Variants in ACOT11 observed in about 807,000 individuals in gnomAD.
ACOT11 encodes acyl-coenzyme A thioesterase 11.
A neutral mutation model predicts 77.5 loss-of-function variants in ACOT11; 69 were observed. The ratio of observed to expected loss-of-function variants is 0.89; its 90% CI spans 0.73 to 1.09. The LOEUF is 1.09. Among genes scored for constraint, ACOT11 ranks in the 50% least tolerant of loss-of-function variants. The probability of loss-of-function intolerance (pLI) is 0.00; values close to 1 mark genes in which losing one functional copy is unlikely to be tolerated. For missense variants in ACOT11, 766 were observed against 813.7 expected, an observed-to-expected ratio of 0.94 and a Z score of 0.71; for synonymous variants, 279 against 313.0, an observed-to-expected ratio of 0.89 and a Z score of 1.15.
rs770308587 is a variant in ACOT11 at position 54,585,863 on chromosome 1, C to T, written c.270C>T (p.Val90=). ...SAERHAGCPC[V]TASMDDIYFE... ...AGAGGCACGCTGGCTGCCCCTGTGT[C>T]ACAGCTTCCATGGATGACATCTATT... Residue 90 remains valine (V), a synonymous_variant, in exon 3 of 16, where the codon GTC becomes GTT. Transcript: ENST00000343744. 6.2e-7 allele frequency: 1 copy of T among 1,614,100 alleles called. No homozygotes were observed. The highest frequency in any genetic ancestry group is 1.1e-5 in the South Asian group (1 of 91,064).
At chr1:54,623,292 G>T in intron 15 of ACOT11, 2 of 1,613,866 alleles carry the variant, frequency 1.2e-6, no homozygotes, top group Non-Finnish European at 1.7e-6. Context: ...CCGCCGCAGG[G>T]TGATGGCAAG....
downstream of ACOT11, chr1:54,612,639 G>A: frequency 6.2e-7 from 1 of 1,614,130 alleles, no homozygotes; most frequent in Non-Finnish European, 8.5e-7. Context: ...TGGGGACGTG[G>A]ACATGTAGAA....
chr1:54,591,527 A>T (rs930131267), intron 3 of ACOT11, among the ~76,000 whole-genome samples: 1 of 152,238 alleles, frequency 6.6e-6, no homozygotes, highest in Non-Finnish European at 1.5e-5. Context: ...AGAAGTTGGC[A>T]TGGCACTCTC....
intron 6 of ACOT11, among the ~76,000 whole-genome samples, chr1:54,596,934 G>A (rs1046418604): frequency 2.0e-5 from 3 of 152,198 alleles, no homozygotes; most frequent in East Asian, 1.9e-4. Flanking sequence ...CTATCGGGTC[G>A]GATTTCATGC....
intron 1 of ACOT11, among the ~76,000 whole-genome samples, chr1:54,556,448 G>C (rs546838402): frequency 6.6e-6 from 1 of 152,310 alleles, no homozygotes; most frequent in South Asian, 2.1e-4. Context: ...CACTTTGATA[G>C]GGATTGCATT....
intron 15 of ACOT11, among the ~76,000 whole-genome samples, chr1:54,620,269 A>T (rs1644217135): frequency 6.6e-6 from 1 of 152,224 alleles, no homozygotes; most frequent in Non-Finnish European, 1.5e-5. Context: ...GAAGACCTTG[A>T]AGGATGGGTG....
At chr1:54,633,632 G>A (rs1020550667) in intron 16 of ACOT11, among the ~76,000 whole-genome samples, 1 of 152,212 alleles carries the variant, frequency 6.6e-6, no homozygotes, top group Admixed American at 6.5e-5. Context: ...CCAGACATAT[G>A]TGGGGCAAGC....
chr1:54,625,446 G>A (rs1475513483), intron 15 of ACOT11, among the ~76,000 whole-genome samples: 1 of 152,090 alleles, frequency 6.6e-6, no homozygotes, highest in African/African-American at 2.4e-5. Context: ...CGGACTCCAG[G>A]ATCCAAATGC....
At chr1:54,604,042 G>T in intron 11 of ACOT11, 105 bp downstream of exon 11, 1 of 1,047,232 alleles carries the variant, frequency 9.5e-7, no homozygotes, top group Non-Finnish European at 1.5e-6. Context: ...AGCAGGATAT[G>T]AATGACACGC....
rs576036843 is a variant in ACOT11 at position 54,592,499 on chromosome 1, C to T, written c.312-47C>T. On this transcript the variant is annotated intron_variant, in intron 3 of 15. Transcript: ENST00000343744. ...GCAAGTATCTGAGGCCCCTGTTCCT[C>T]CCTCTGGCCCCTCTGGAAGGCTCAC... 4.0e-4 allele frequency: 625 copies of T among 1,574,562 alleles called. 11 individuals are homozygous for T. The South Asian group carries it at 6.9e-3, about 17-fold the overall frequency.
At position 54,599,373 on chromosome 1, in the gene ACOT11, G is replaced by A. The variant is rs770602124; in HGVS notation, c.842G>A (p.Arg281His). 1.9e-6 allele frequency: 3 copies of A among 1,607,580 alleles called. No individual in the cohort carries two copies. The highest frequency in any genetic ancestry group is 2.5e-6 in the Non-Finnish European group (3 of 1,177,058). Residue 281 changes from arginine (R) to histidine (H), a missense_variant, in exon 8 of 16, where the codon CGT (arginine) becomes CAT (histidine). Physicochemically the swap from Arg to His is conservative, Grantham distance 29. Coordinates refer to ENST00000343744, the MANE Select transcript of ACOT11 (RefSeq NM_147161.4). ...HFRGPSQVGD[R>H]LVLKAIVNNA... ...CGAGGCCCGTCCCAGGTCGGCGACC[G>A]TCTGGTGCTCAAAGCCATCGTGAAC... is the stretch of plus-strand genomic sequence containing the variant.
chr1:54,578,722 A>G (rs2100971709), intron 1 of ACOT11, among the ~76,000 whole-genome samples: 1 of 152,314 alleles, frequency 6.6e-6, no homozygotes, highest in East Asian at 1.9e-4. Flanking sequence ...AAGGAGAATG[A>G]ACAACAAGCA....
intron 15 of ACOT11, chr1:54,623,299 CA>C: frequency 1.2e-6 from 2 of 1,614,004 alleles, no homozygotes; most frequent in Non-Finnish European, 1.7e-6. Flanking sequence ...AGGGTGATGG[CA>C]AGGACTATTG....
At chr1:54,566,045 G>A (rs979859702) in intron 1 of ACOT11, among the ~76,000 whole-genome samples, 2 of 152,042 alleles carry the variant, frequency 1.3e-5, no homozygotes, top group African/African-American at 4.8e-5. Context: ...CAGAGCTCAC[G>A]CACCAGCAGG....
At chr1:54,603,585 G>A (rs141336368) in intron 10 of ACOT11, among the ~76,000 whole-genome samples, 2 of 152,160 alleles carry the variant, frequency 1.3e-5, no homozygotes, top group African/African-American at 4.8e-5. Context: ...GCAGCACCAG[G>A]GTGAGGTCAC....
chr1:54,618,464 C>A (rs1277734408), intron 15 of ACOT11, among the ~76,000 whole-genome samples: 1 of 152,076 alleles, frequency 6.6e-6, no homozygotes, highest in Non-Finnish European at 1.5e-5. Context: ...AAGATCACAC[C>A]AGTGCACTCC....
chr1:54,615,618 G>A (rs1334218628), intron 15 of ACOT11, among the ~76,000 whole-genome samples: 1 of 152,066 alleles, frequency 6.6e-6, no homozygotes, highest in Non-Finnish European at 1.5e-5. Flanking sequence ...GTTGCCGTGA[G>A]GATGAGGGAG....
In ACOT11 at chr1:54,597,284, C is replaced by T. The variant is rs1461993843; in HGVS notation, c.633C>T (p.Arg211=). 6.2e-7 allele frequency: 1 copy of T among 1,613,392 alleles called. No individual in the cohort carries two copies. Residue 211 remains arginine, a synonymous_variant, in exon 7 of 16, where the codon CGC becomes CGT. Transcript: ENST00000343744. ...ATCTGGAGAGCAGAGACTGTAGCCG[C>T]ATGGTGCCGGCTGAGAAGACCCGTG... ...QGDLESRDCS[R]MVPAEKTRVE...
intron 1 of ACOT11, among the ~76,000 whole-genome samples, chr1:54,561,832 G>T (rs1653506616): frequency 8.9e-6 from 1 of 111,764 alleles, no homozygotes; most frequent in Non-Finnish European, 1.9e-5. Flanking sequence ...GGGCAGAGGG[G>T]CTCCTCACTT....
Sources: allele counts gnomAD v4.1 joint callset (sites outside exome capture counted in the v4.1 genomes callset), GRCh38; gene constraint gnomAD v4.1.1; transcripts MANE v1.5; gene names NCBI Gene and HGNC (gene_info 2026-07-23, HGNC 2026-07-21).